The following NAV3 variants were observed in gnomAD, a reference collection of about 807,000 sequenced individuals.
NAV3 encodes neuron navigator 3.
NAV3 carries 87 observed loss-of-function variants against 244.7 expected under a neutral mutation model. The observed-to-expected ratio is 0.36, with a 90% CI of 0.30 to 0.42. NAV3 has a LOEUF of 0.42. Ranked by LOEUF, NAV3 falls within the 20% of genes least tolerant of loss-of-function variation. The probability of loss-of-function intolerance (pLI) is 1.00; values close to 1 mark genes in which losing one functional copy is unlikely to be tolerated. For missense variants in NAV3, 2,663 were observed against 2,893.3 expected, an observed-to-expected ratio of 0.92 and a Z score of 1.83; for synonymous variants, 1,126 against 1,042.2, an observed-to-expected ratio of 1.08 and a Z score of -1.55.
At chr12:78,020,084 T>C (rs1438962226) in intron 8 of NAV3, among the ~76,000 whole-genome samples, 2 of 152,102 alleles carry the variant, frequency 1.3e-5, no homozygotes, top group African/African-American at 4.8e-5. Context: ...GGAAGAAGAA[T>C]AGAATATTCC....
chr12:77,933,662 A>G (rs1889046517), intron 1 of NAV3, among the ~76,000 whole-genome samples: 1 of 152,182 alleles, frequency 6.6e-6, no homozygotes, highest in Non-Finnish European at 1.5e-5. Context: ...TATTGTGACA[A>G]TATGATGTTA....
intron 1 of NAV3, among the ~76,000 whole-genome samples, chr12:77,842,507 A>G (rs1426613802): frequency 6.6e-6 from 1 of 151,336 alleles, no homozygotes. Context: ...GTAGAAGAGA[A>G]GTTTAACAAA....
intron 3 of NAV3, among the ~76,000 whole-genome samples, chr12:77,946,051 G>A (rs1890308961): frequency 6.7e-6 from 1 of 149,192 alleles, no homozygotes; most frequent in African/African-American, 2.5e-5. Context: ...GAGCCACCAT[G>A]CCTGGCCATG....
intron 2 of NAV3, among the ~76,000 whole-genome samples, chr12:77,602,481 A>G (rs906153757): frequency 6.6e-6 from 1 of 152,050 alleles, no homozygotes; most frequent in Non-Finnish European, 1.5e-5. Context: ...TGATAGAGAA[A>G]TAGATTTGAC....
chr12:77,919,426 G>T (rs1249157779), intron 1 of NAV3, among the ~76,000 whole-genome samples: 1 of 152,006 alleles, frequency 6.6e-6, no homozygotes, highest in East Asian at 1.9e-4. Context: ...TGGGTATCCA[G>T]CTTAACTTCT....
chr12:77,825,843 A>G (rs185434441), intron 2 of NAV3, among the ~76,000 whole-genome samples: 3 of 152,328 alleles, frequency 2.0e-5, no homozygotes, highest in Admixed American at 1.3e-4. Flanking sequence ...ACTCAGTAAT[A>G]ATGAGACAAA....
chr12:78,198,707 GTTTT>G (rs112390179), intron 36 of NAV3, 31 bp downstream of exon 36: 1 of 589,050 alleles, frequency 1.7e-6, no homozygotes, highest in Non-Finnish European at 2.4e-6. Flanking sequence ...TTTTTGTTTT[GTTTT>G]TTTGTTTTGT....
intron 21 of NAV3, among the ~76,000 whole-genome samples, chr12:78,148,577 G>A (rs1003346773): frequency 5.9e-5 from 9 of 152,076 alleles, no homozygotes; most frequent in African/African-American, 2.2e-4. Flanking sequence ...CTGCTCTTGA[G>A]TCATTTGCCA....
In NAV3 at chr12:77,573,888, T is replaced by G. The variant is rs1868951764; in HGVS notation, c.72+1622T>G. Among the ~76,000 whole-genome samples, 3 of 152,114 alleles carry G rather than the reference T, an allele frequency of 2.0e-5. No homozygotes were observed. The South Asian group carries it at 6.2e-4, about 31-fold the overall frequency. ...GATTTTCTGCAAACACCAAAGGAAT[T>G]AAAGTTGAAGAATGGAACGAATTCT... On this transcript the variant is annotated intron_variant, in intron 2 of 8. Transcript: ENST00000550042.
chr12:78,164,068 A>C (rs1481941102), intron 23 of NAV3, among the ~76,000 whole-genome samples: 1 of 152,138 alleles, frequency 6.6e-6, no homozygotes, highest in Non-Finnish European at 1.5e-5. Flanking sequence ...AATCCAGCAA[A>C]CTATATTTTT....
intron 22 of NAV3, among the ~76,000 whole-genome samples, chr12:78,156,158 G>A (rs1209546507): frequency 1.3e-5 from 2 of 151,914 alleles, no homozygotes; most frequent in African/African-American, 4.8e-5. Flanking sequence ...AATCCATCTT[G>A]GGTTAATTTT....
rs749106149 is a variant in NAV3, at chr12:77,994,793, CCT to C, written c.672-8_672-7del. 9 of 1,604,988 alleles carry C rather than the reference CCT, an allele frequency of 5.6e-6. No individual in the cohort carries two copies. Among genetic ancestry groups the C allele is most frequent in the African/African-American group, 1.3e-5 (1 of 74,640 alleles). ...TCTTTAATTCAATTTCTCTGTTTCT[CCT>C]CATACAGTCTGGCAGCCAGATATGC... is the stretch of plus-strand genomic sequence containing the variant. On this transcript the variant is annotated splice_polypyrimidine_tract_variant and splice_region_variant and intron_variant, in intron 5 of 39. Transcript: ENST00000397909.
chr12:77,582,722 G>A (rs753800280), intron 2 of NAV3, among the ~76,000 whole-genome samples: 5 of 152,132 alleles, frequency 3.3e-5, no homozygotes, highest in South Asian at 2.1e-4. Context: ...GTGAGTACAC[G>A]CATGTATGTG....
intron 2 of NAV3, among the ~76,000 whole-genome samples, chr12:77,628,608 G>A (rs944129488): frequency 6.6e-6 from 1 of 152,018 alleles, no homozygotes; most frequent in African/African-American, 2.4e-5. Context: ...ATCTGTCCAG[G>A]TGTGGTGGCT....
intron 1 of NAV3, among the ~76,000 whole-genome samples, chr12:77,882,765 CA>C (rs1416386100): frequency 3.9e-5 from 6 of 152,078 alleles, no homozygotes; most frequent in Admixed American, 3.9e-4. Context: ...TAAAAATGAG[CA>C]AAGGATGTGA....
intron 1 of NAV3, among the ~76,000 whole-genome samples, chr12:77,882,593 A>G (rs1882790348): frequency 6.6e-6 from 1 of 152,194 alleles, no homozygotes; most frequent in African/African-American, 2.4e-5. Flanking sequence ...ACCTAATTAA[A>G]CTAAAGACCT....
At chr12:78,046,346 C>G (rs1881789712) in intron 9 of NAV3, among the ~76,000 whole-genome samples, 1 of 152,066 alleles carries the variant, frequency 6.6e-6, no homozygotes. Flanking sequence ...TAGATATTTC[C>G]TGCTTTCTTC....
chr12:77,930,908 A>C (rs1169579968), intron 1 of NAV3, among the ~76,000 whole-genome samples: 2 of 152,122 alleles, frequency 1.3e-5, no homozygotes, highest in Non-Finnish European at 2.9e-5. Flanking sequence ...GAGACTTGTG[A>C]TGTCATTATA....
intron 1 of NAV3, among the ~76,000 whole-genome samples, chr12:77,868,583 C>T (rs1309356005): frequency 2.0e-5 from 3 of 151,460 alleles, no homozygotes; most frequent in African/African-American, 7.3e-5. Flanking sequence ...TGGTGAAACC[C>T]CATCTCTACT....
Sources: gnomAD v4.1 joint callset for allele counts (sites outside exome capture counted in the v4.1 genomes callset) on GRCh38, gnomAD v4.1.1 for gene constraint, MANE v1.5 for transcripts, NCBI Gene and HGNC (gene_info 2026-07-23, HGNC 2026-07-21) for gene names.